Variants in AP2M1 observed in about 807,000 individuals in gnomAD.
AP2M1 encodes the protein AP-2 complex subunit mu.
Under a neutral mutation model 54.5 loss-of-function variants are expected in AP2M1, and 5 were observed. The ratio of observed to expected loss-of-function variants is 0.09; its 90% CI spans 0.05 to 0.19. The LOEUF (loss-of-function observed/expected upper bound fraction) is 0.19. Ranked by LOEUF, AP2M1 falls within the 10% of genes least tolerant of loss-of-function variation. The pLI is 1.00. For missense variants in AP2M1, 178 were observed against 580.2 expected, an observed-to-expected ratio of 0.31 and a Z score of 7.12; for synonymous variants, 186 against 208.2, an observed-to-expected ratio of 0.89 and a Z score of 0.92.
chr3:184,175,836 T>C (rs962353669), intron 1 of AP2M1, among the ~76,000 whole-genome samples: 3 of 152,198 alleles, frequency 2.0e-5, no homozygotes, highest in African/African-American at 7.2e-5. Context: ...TCTCCCAGCC[T>C]GTTTGGGACT....
In AP2M1 at chr3:184,183,727, C is replaced by T; in HGVS notation, c.*111C>T. On this transcript the variant is annotated 3_prime_UTR_variant, in exon 12 of 12. Transcript: ENST00000292807. The surrounding 1 kb of genome is among the most constrained non-coding windows in gnomAD (Gnocchi z 5.7). ...CTCCTCCCTCCTGCTTTGCTGCCTT[C>T]CCTTTGCACCAGCCCGAGTCTAGGT... 7.8e-7 allele frequency: 1 copy of T among 1,286,040 alleles called. No homozygotes were observed. Among genetic ancestry groups the T allele is most frequent in the Non-Finnish European group, 1.1e-6 (1 of 927,734 alleles). The allele number at this position is 1,286,040 out of a possible 1,614,324, so 79.7% of individuals were successfully genotyped here.
chr3:184,178,921 G>A lies in AP2M1; in HGVS notation c.139G>A (p.Val47Ile), dbSNP rs777567779. The change falls in exon 3 of 12, where the codon GTC (valine) becomes ATC (isoleucine). Residue 47 changes from valine (V) to isoleucine (I), a missense_variant. Coordinates refer to ENST00000292807, the MANE Select transcript of AP2M1 (RefSeq NM_004068.4). The surrounding 1 kb of genome is among the most constrained non-coding windows in gnomAD (Gnocchi z 4.9). ...TGCCCGGCAGCAGGTGCGCAGCCCC[G>A]TCACCAACATTGCTCGCACCAGCTT... ...IHARQQVRSP[V>I]TNIARTSFFH... The A allele has an allele frequency of 1.9e-5, 31 of 1,614,022 alleles. No homozygotes were observed. The highest frequency in any genetic ancestry group is 4.5e-5 in the East Asian group (2 of 44,894).
chr3:184,180,543 C>T lies in AP2M1; in HGVS notation c.424-102C>T. ...CCTGGTATTCCTCAGGAGGAGCGAG[C>T]TTGGGCCCTCTCCTCTAGGATCCAA... On this transcript the variant is annotated intron_variant, in intron 4 of 11. Transcript: ENST00000292807. This position sits in a 1 kb window ranked among gnomAD's most constrained non-coding sequence, Gnocchi z 4.9. 6.3e-7 allele frequency: 1 copy of T among 1,581,490 alleles called. No individual in the cohort carries two copies. Among genetic ancestry groups the T allele is most frequent in the Non-Finnish European group, 8.6e-7 (1 of 1,156,814 alleles).
chr3:184,180,666 A>G lies in AP2M1; in HGVS notation c.429+16A>G. On this transcript the variant is annotated intron_variant, in intron 5 of 11. Coordinates refer to ENST00000292807, the MANE Select transcript of AP2M1 (RefSeq NM_004068.4). The surrounding 1 kb of genome is among the most constrained non-coding windows in gnomAD (Gnocchi z 4.9). Reference sequence around the variant, plus strand: ...CCAGCATCAGGTAAGCTCTTCCCTCAGCTTCCACCCTTGCAGCTTTGCTTT... The same window carrying G: ...CCAGCATCAGGTAAGCTCTTCCCTCGGCTTCCACCCTTGCAGCTTTGCTTT... 7 of 1,614,192 alleles carry G rather than the reference A, an allele frequency of 4.3e-6. No individual in the cohort carries two copies. The highest frequency in any genetic ancestry group is 5.9e-6 in the Non-Finnish European group (7 of 1,180,036).
rs1458454729 is a variant in AP2M1, at chr3:184,180,295, C to G, written c.423+44C>G. The G allele has an allele frequency of 6.3e-7, 1 of 1,599,660 alleles. No individual in the cohort carries two copies. Among genetic ancestry groups the G allele is most frequent in the African/African-American group, 1.3e-5 (1 of 74,622 alleles). ...CTATAGTCAGGGTGGAGTCCAATCT[C>G]CCTTCATCTCAGCTGGCCCCTGAGC... On this transcript the variant is annotated intron_variant, in intron 4 of 11. Coordinates refer to ENST00000292807, the MANE Select transcript of AP2M1 (RefSeq NM_004068.4). The surrounding 1 kb of genome is among the most constrained non-coding windows in gnomAD (Gnocchi z 4.9).
Position 184,178,779 on chromosome 3 carries a change from G to C in AP2M1, c.75-78G>C. ...CTTCTGCAGAAAGGAGGGTGGGGCT[G>C]TTAGCAGCTGTGGTTGATCCTTATG... On this transcript the variant is annotated intron_variant, in intron 2 of 11. Coordinates refer to ENST00000292807, the MANE Select transcript of AP2M1 (RefSeq NM_004068.4). The surrounding 1 kb of genome is among the most constrained non-coding windows in gnomAD (Gnocchi z 4.9). The C allele has an allele frequency of 6.5e-7, 1 of 1,543,446 alleles. No individual in the cohort carries two copies. Among genetic ancestry groups the C allele is most frequent in the Middle Eastern group, 2.3e-4 (1 of 4,328 alleles).
Position 184,178,213 on chromosome 3 carries a change from C to G in AP2M1, c.75-644C>G. The G allele has an allele frequency of 1.3e-6, 2 of 1,536,116 alleles. No individual in the cohort carries two copies. The highest frequency in any genetic ancestry group is 1.7e-6 in the Non-Finnish European group (2 of 1,146,856). On this transcript the variant is annotated intron_variant, in intron 2 of 11. Transcript: ENST00000292807. The surrounding 1 kb of genome is among the most constrained non-coding windows in gnomAD (Gnocchi z 4.9). Reference sequence around the variant, plus strand: ...TCTCTCATCCCATCTCATTGGCTGCCGTAGCAATAGGTAAGCGGCCTCTCA... The same window carrying G: ...TCTCTCATCCCATCTCATTGGCTGCGGTAGCAATAGGTAAGCGGCCTCTCA...
intron 2 of AP2M1, chr3:184,177,754 CT>C: frequency 1.3e-6 from 1 of 783,718 alleles, no homozygotes; most frequent in South Asian, 1.8e-5. Flanking sequence ...CGCCCTTGTT[CT>C]TTGCGACTGA....
In AP2M1 at chr3:184,182,636, C is replaced by G; in HGVS notation, c.1062-121C>G. 1 of 769,706 alleles carries G rather than the reference C, an allele frequency of 1.3e-6. No homozygotes were observed. Among genetic ancestry groups the G allele is most frequent in the Non-Finnish European group, 2.1e-6 (1 of 466,252 alleles). 47.7% of individuals were successfully genotyped at this position (769,706 alleles called of 1,614,324 possible). On this transcript the variant is annotated intron_variant, in intron 10 of 11. Transcript: ENST00000292807. This position sits in a 1 kb window ranked among gnomAD's most constrained non-coding sequence, Gnocchi z 5.5. ...AGCAAGTGGTTAGCAGGGTCCTGAC[C>G]ACTTCTCCTTGTTCTGGCACCTCCT... is the stretch of plus-strand genomic sequence containing the variant.
intron 1 of AP2M1, among the ~76,000 whole-genome samples, chr3:184,175,587 G>A (rs907898947): frequency 2.9e-4 from 44 of 151,638 alleles, no homozygotes; most frequent in African/African-American, 1.0e-3. Context: ...CCTTCTTAAA[G>A]CCTTGACCTT....
In AP2M1 at chr3:184,183,631, C is replaced by T. The variant is rs747472395; in HGVS notation, c.*15C>T. The T allele has an allele frequency of 6.8e-6, 11 of 1,610,084 alleles. No homozygotes were observed. In the East Asian group the frequency reaches 2.2e-4, roughly 33 times the overall value. On this transcript the variant is annotated 3_prime_UTR_variant, in exon 12 of 12. Coordinates refer to ENST00000292807, the MANE Select transcript of AP2M1 (RefSeq NM_004068.4). This position sits in a 1 kb window ranked among gnomAD's most constrained non-coding sequence, Gnocchi z 5.7. Reference sequence around the variant, plus strand: ...CTCGCTGCTAGCTGCCACTAGGCAGCTAGCCCACCTCCCCAGCCACCCTCC... The same window carrying T: ...CTCGCTGCTAGCTGCCACTAGGCAGTTAGCCCACCTCCCCAGCCACCCTCC...
In AP2M1 at chr3:184,182,337, AG is replaced by A; in HGVS notation, c.1061+93del. The A allele has an allele frequency of 7.1e-7, 1 of 1,400,994 alleles. No individual in the cohort carries two copies. Among genetic ancestry groups the A allele is most frequent in the Non-Finnish European group, 9.7e-7 (1 of 1,031,164 alleles). 86.8% of individuals were successfully genotyped at this position (1,400,994 alleles called of 1,614,324 possible). Reference sequence around the variant, plus strand: ...GCTTTGATCCTTCTGAATGAGGGGCAGGGGAGTGTGCCTGTTTGCTTTTCTA... The same window carrying A: ...GCTTTGATCCTTCTGAATGAGGGGCAGGGAGTGTGCCTGTTTGCTTTTCTA... On this transcript the variant is annotated intron_variant, in intron 10 of 11. Transcript: ENST00000292807. The surrounding 1 kb of genome is among the most constrained non-coding windows in gnomAD (Gnocchi z 5.5).
Position 184,178,219 on chromosome 3 carries a change from A to C in AP2M1, c.75-638A>C, listed in dbSNP as rs1365566012. 6.5e-7 allele frequency: 1 copy of C among 1,535,994 alleles called. No individual in the cohort carries two copies. Among genetic ancestry groups the C allele is most frequent in the Non-Finnish European group, 8.7e-7 (1 of 1,146,888 alleles). On this transcript the variant is annotated intron_variant, in intron 2 of 11. Coordinates refer to ENST00000292807, the MANE Select transcript of AP2M1 (RefSeq NM_004068.4). The surrounding 1 kb of genome is among the most constrained non-coding windows in gnomAD (Gnocchi z 4.9). ...ATCCCATCTCATTGGCTGCCGTAGC[A>C]ATAGGTAAGCGGCCTCTCAAGCTGC...
Position 184,178,846 on chromosome 3 carries a change from T to C in AP2M1, c.75-11T>C. ...GGTGCTGAGCAGGCCCTATGCACTC[T>C]TTTCCCTCAGGAGGAACGCAGTGGA... On this transcript the variant is annotated splice_polypyrimidine_tract_variant and intron_variant, in intron 2 of 11. Coordinates refer to ENST00000292807, the MANE Select transcript of AP2M1 (RefSeq NM_004068.4). This position sits in a 1 kb window ranked among gnomAD's most constrained non-coding sequence, Gnocchi z 4.9. The C allele has an allele frequency of 3.1e-6, 5 of 1,612,906 alleles. No homozygotes were observed. The highest frequency in any genetic ancestry group is 4.2e-6 in the Non-Finnish European group (5 of 1,179,410).
At position 184,182,345 on chromosome 3, in the gene AP2M1, G is replaced by A; in HGVS notation, c.1061+97G>A. ...CCTTCTGAATGAGGGGCAGGGGAGTGTGCCTGTTTGCTTTTCTAGGAGCCT... is the reference window on the plus strand; with the variant it reads ...CCTTCTGAATGAGGGGCAGGGGAGTATGCCTGTTTGCTTTTCTAGGAGCCT... On this transcript the variant is annotated intron_variant, in intron 10 of 11. Transcript: ENST00000292807. The surrounding 1 kb of genome is among the most constrained non-coding windows in gnomAD (Gnocchi z 5.5). The A allele has an allele frequency of 2.2e-6, 3 of 1,341,848 alleles. No individual in the cohort carries two copies. Among genetic ancestry groups the A allele is most frequent in the Non-Finnish European group, 3.0e-6 (3 of 984,996 alleles). 83.1% of individuals were successfully genotyped at this position (1,341,848 alleles called of 1,614,324 possible).
chr3:184,175,732 C>A (rs1251724676), intron 1 of AP2M1, among the ~76,000 whole-genome samples: 1 of 152,126 alleles, frequency 6.6e-6, no homozygotes, highest in Non-Finnish European at 1.5e-5. Context: ...TGCCCAAGGC[C>A]CCCCTCTGGT....
At chr3:184,175,566 G>A (rs1715043728) in intron 1 of AP2M1, among the ~76,000 whole-genome samples, 1 of 152,124 alleles carries the variant, frequency 6.6e-6, no homozygotes, top group Non-Finnish European at 1.5e-5. Context: ...CAGTTCCCCC[G>A]GCCGGTTTTT....
At chr3:184,177,809 C>T (rs1413169308) in intron 2 of AP2M1, 3 of 599,600 alleles carry the variant, frequency 5.0e-6, no homozygotes, top group Non-Finnish European at 8.8e-6. Context: ...GTAGGCTCCT[C>T]TGGTTCCTGC....
rs766144054 is a variant in AP2M1 at position 184,180,614 on chromosome 3, G to A, written c.424-31G>A. On this transcript the variant is annotated intron_variant, in intron 4 of 11. Transcript: ENST00000292807. This position sits in a 1 kb window ranked among gnomAD's most constrained non-coding sequence, Gnocchi z 4.9. ...TTTTCTGCCTCCCTTGCTGCTTCAT[G>A]TGGGCACCTCGTTGGCCCTGCGGCC... The A allele has an allele frequency of 1.2e-6, 2 of 1,613,638 alleles. No individual in the cohort carries two copies. The highest frequency in any genetic ancestry group is 1.7e-6 in the Non-Finnish European group (2 of 1,180,030).
Sources: gnomAD v4.1 joint callset for allele counts (sites outside exome capture counted in the v4.1 genomes callset) on GRCh38, gnomAD v4.1.1 for gene constraint, Gnocchi (gnomAD v3.1) non-coding constraint, MANE v1.5 for transcripts, NCBI Gene and HGNC (gene_info 2026-07-23, HGNC 2026-07-21) for gene names.